Variants in USP32 observed in about 807,000 individuals in gnomAD.
The protein encoded by USP32 is ubiquitin carboxyl-terminal hydrolase 32.
In USP32, 59 loss-of-function variants were observed where a neutral mutation model predicts 204.8. The ratio of observed to expected loss-of-function variants is 0.29; its 90% CI spans 0.23 to 0.36. USP32 has a LOEUF of 0.36. USP32 is among the 10% of genes least tolerant of loss of function. The probability of loss-of-function intolerance (pLI) is 1.00; values close to 1 mark genes in which losing one functional copy is unlikely to be tolerated. For synonymous variants in USP32, 517 were observed against 678.4 expected, an observed-to-expected ratio of 0.76 and a Z score of 3.70; for missense variants, 1,160 against 1,946.4, an observed-to-expected ratio of 0.60 and a Z score of 7.60.
At chr17:60,324,186 G>C (rs934092300) in intron 2 of USP32, among the ~76,000 whole-genome samples, 1 of 152,016 alleles carries the variant, frequency 6.6e-6, no homozygotes, top group African/African-American at 2.4e-5. Flanking sequence ...GGAGGCTAAA[G>C]CGGGAAGATT....
intron 2 of USP32, among the ~76,000 whole-genome samples, chr17:60,314,249 GTCCCACCTCAGCC>G (rs2087922723): frequency 7.0e-6 from 1 of 141,938 alleles, no homozygotes; most frequent in South Asian, 2.3e-4. Flanking sequence ...TCAAGCAATC[GTCCCACCTCAGCC>G]TCCCAAGTAG....
chr17:60,358,821 C>A (rs1392021048), intron 1 of USP32, among the ~76,000 whole-genome samples: 1 of 152,172 alleles, frequency 6.6e-6, no homozygotes, highest in African/African-American at 2.4e-5. Context: ...CCACTGACAA[C>A]TAAGAAAATA....
chr17:60,403,444 A>C (rs1227473391), intron 1 of USP32, among the ~76,000 whole-genome samples: 1 of 152,194 alleles, frequency 6.6e-6, no homozygotes, highest in Non-Finnish European at 1.5e-5. Flanking sequence ...AAATGTTGTC[A>C]TGCCACAGTC....
intron 21 of USP32, 82 bp downstream of exon 21, chr17:60,210,931 C>T (rs2084948432): frequency 6.7e-7 from 1 of 1,495,652 alleles, no homozygotes; most frequent in Non-Finnish European, 8.9e-7. Flanking sequence ...AGTTAAAAGG[C>T]TAAACACAAA....
chr17:60,233,420 A>T (rs1302844054), intron 12 of USP32, among the ~76,000 whole-genome samples: 2 of 152,132 alleles, frequency 1.3e-5, no homozygotes, highest in Non-Finnish European at 2.9e-5. Context: ...TGATTGTGCC[A>T]CTACACTCCA....
intron 2 of USP32, among the ~76,000 whole-genome samples, chr17:60,334,112 G>A (rs578145412): frequency 6.6e-6 from 1 of 152,204 alleles, no homozygotes; most frequent in Admixed American, 6.5e-5. Context: ...TTAGCACCTC[G>A]AATACTTACA....
intron 2 of USP32, among the ~76,000 whole-genome samples, chr17:60,333,385 G>A (rs778692598): frequency 6.6e-6 from 1 of 152,154 alleles, no homozygotes; most frequent in African/African-American, 2.4e-5. Flanking sequence ...GATCACTTGA[G>A]GTCAGGAGTT....
chr17:60,286,844 C>T (rs565630584), intron 5 of USP32, among the ~76,000 whole-genome samples: 1 of 152,272 alleles, frequency 6.6e-6, no homozygotes, highest in South Asian at 2.1e-4. Context: ...CACCATCCTT[C>T]TTTGTTCTAA....
intron 15 of USP32, 27 bp downstream of exon 15, chr17:60,222,382 A>C: frequency 6.2e-7 from 1 of 1,604,192 alleles, no homozygotes; most frequent in Non-Finnish European, 8.5e-7. Context: ...ACTGCTCCTT[A>C]TATAAGGCAC....
At chr17:60,347,391 T>C (rs543825445) in intron 1 of USP32, among the ~76,000 whole-genome samples, 5 of 150,518 alleles carry the variant, frequency 3.3e-5, no homozygotes, top group African/African-American at 1.2e-4. Context: ...TCTTGCTCTG[T>C]CGCCCAGGCA....
intron 1 of USP32, among the ~76,000 whole-genome samples, chr17:60,376,983 A>G (rs2089557489): frequency 1.3e-5 from 2 of 152,250 alleles, no homozygotes. Context: ...ATAAAAACGC[A>G]CAAAGAACAT....
At chr17:60,350,445 C>T (rs2088922102) in intron 1 of USP32, among the ~76,000 whole-genome samples, 1 of 152,142 alleles carries the variant, frequency 6.6e-6, no homozygotes, top group African/African-American at 2.4e-5. Flanking sequence ...CCTACCATAA[C>T]ACCTGGGTAA....
intron 11 of USP32, among the ~76,000 whole-genome samples, chr17:60,250,879 C>T (rs1425427112): frequency 2.0e-5 from 3 of 151,548 alleles, no homozygotes; most frequent in East Asian, 3.9e-4. Flanking sequence ...ATAGATTTTG[C>T]TTAATCTTCT....
chr17:60,284,279 T>C (rs1417222603), intron 5 of USP32, among the ~76,000 whole-genome samples: 1 of 150,990 alleles, frequency 6.6e-6, no homozygotes, highest in African/African-American at 2.4e-5. Context: ...AGTGGCATGA[T>C]CTTGGCTCAC....
intron 2 of USP32, among the ~76,000 whole-genome samples, chr17:60,310,320 T>G (rs1394124221): frequency 1.3e-5 from 2 of 152,110 alleles, no homozygotes; most frequent in African/African-American, 2.4e-5. Context: ...TTCATAATAG[T>G]CGAAGTTTGG....
At chr17:60,193,072 C>T in intron 27 of USP32, 142 bp from the exon 28 acceptor site, 2 of 816,094 alleles carry the variant, frequency 2.5e-6, no homozygotes, top group Admixed American at 2.4e-5. Context: ...TGTTACTTAC[C>T]CTAATCCATT....
chr17:60,191,057 G>GT (rs2084367289), intron 28 of USP32, among the ~76,000 whole-genome samples: 1 of 152,154 alleles, frequency 6.6e-6, no homozygotes, highest in Admixed American at 6.6e-5. Flanking sequence ...TTTATCTGGT[G>GT]TAACACCTAG....
intron 1 of USP32, among the ~76,000 whole-genome samples, chr17:60,418,024 T>C (rs2090076054): frequency 6.6e-6 from 1 of 150,420 alleles, no homozygotes; most frequent in Non-Finnish European, 1.5e-5. Context: ...AATGGCACGA[T>C]CTCGGCTCAC....
chr17:60,215,667 T>C (rs2085082918), intron 16 of USP32, among the ~76,000 whole-genome samples: 1 of 152,118 alleles, frequency 6.6e-6, no homozygotes, highest in Non-Finnish European at 1.5e-5. Flanking sequence ...AGAAAACATA[T>C]GTATATCTAT....
Sources: allele counts gnomAD v4.1 joint callset (sites outside exome capture counted in the v4.1 genomes callset), GRCh38; gene constraint gnomAD v4.1.1; transcripts MANE v1.5; gene names NCBI Gene and HGNC (gene_info 2026-07-23, HGNC 2026-07-21).